The following LPP variants were observed in gnomAD, a reference collection of about 807,000 sequenced individuals.
The protein encoded by LPP is lipoma-preferred partner.
Under a neutral mutation model 60.4 loss-of-function variants are expected in LPP, and 38 were observed. That is an observed-to-expected ratio of 0.63 (90% CI 0.49 to 0.83). The LOEUF (loss-of-function observed/expected upper bound fraction) is 0.83. Among genes scored for constraint, LPP ranks in the 40% least tolerant of loss-of-function variants. The pLI, the probability that LPP is intolerant of heterozygous loss-of-function variation, is 0.00. For synonymous variants in LPP, 328 were observed against 290.8 expected (o/e 1.13, Z -1.30); for missense variants, 902 against 783.6 (o/e 1.15, Z -1.80).
At chr3:188,666,808 G>T (rs1855892180) in intron 7 of LPP, among the ~76,000 whole-genome samples, 1 of 152,190 alleles carries the variant, frequency 6.6e-6, no homozygotes, top group Middle Eastern at 3.2e-3. Context: ...CAGGGAGAAA[G>T]AGGAGATTTT....
chr3:188,349,605 G>A (rs1233307227), intron 3 of LPP, among the ~76,000 whole-genome samples: 2 of 152,134 alleles, frequency 1.3e-5, no homozygotes, highest in African/African-American at 2.4e-5. Flanking sequence ...GTATAAACTC[G>A]GTATAAACCT....
At chr3:188,868,269 T>G (rs1214333411) in intron 10 of LPP, among the ~76,000 whole-genome samples, 2 of 152,234 alleles carry the variant, frequency 1.3e-5, no homozygotes, top group Admixed American at 1.3e-4. Context: ...TAGAAAAGAC[T>G]GATACATTAC....
intron 7 of LPP, among the ~76,000 whole-genome samples, chr3:188,615,307 A>G (rs1385648971): frequency 6.6e-6 from 1 of 152,082 alleles, no homozygotes; most frequent in African/African-American, 2.4e-5. Context: ...TCCTTCCCCA[A>G]ATAAAATCTA....
At chr3:188,416,412 C>A (rs1786283993) in intron 4 of LPP, among the ~76,000 whole-genome samples, 1 of 152,152 alleles carries the variant, frequency 6.6e-6, no homozygotes, top group African/African-American at 2.4e-5. Flanking sequence ...TAAAACAAAG[C>A]AAAATAAAAA....
intron 5 of LPP, among the ~76,000 whole-genome samples, chr3:188,495,087 ATTTATATTTTAT>A (rs1809700514): frequency 4.4e-5 from 1 of 22,618 alleles, no homozygotes; most frequent in African/African-American, 1.2e-4. Flanking sequence ...TATATATTTT[ATTTATATTTTAT>A]TATATATTTT....
At chr3:188,663,838 A>G (rs1457176001) in intron 7 of LPP, among the ~76,000 whole-genome samples, 1 of 152,148 alleles carries the variant, frequency 6.6e-6, no homozygotes, top group African/African-American at 2.4e-5. Flanking sequence ...GGGGCATGCA[A>G]ACTAGGTCCC....
intron 3 of LPP, among the ~76,000 whole-genome samples, chr3:188,390,145 A>G (rs1005758096): frequency 2.6e-5 from 4 of 152,184 alleles, no homozygotes; most frequent in African/African-American, 4.8e-5. Context: ...GGTGTGCCAC[A>G]GTCACAGGCC....
intron 9 of LPP, among the ~76,000 whole-genome samples, chr3:188,813,761 A>G (rs983420038): frequency 3.5e-4 from 54 of 152,120 alleles, no homozygotes; most frequent in Non-Finnish European, 1.0e-4. Flanking sequence ...TTTATTCTGG[A>G]GAAGTTTTGT....
intron 2 of LPP, among the ~76,000 whole-genome samples, chr3:188,292,167 G>A (rs1746208645): frequency 6.6e-6 from 1 of 152,178 alleles, no homozygotes; most frequent in Non-Finnish European, 1.5e-5. Flanking sequence ...CAAGAGAAGT[G>A]AAGGTACAAT....
chr3:188,205,643 T>G (rs1407504191), intron 1 of LPP, among the ~76,000 whole-genome samples: 1 of 152,130 alleles, frequency 6.6e-6, no homozygotes, highest in Non-Finnish European at 1.5e-5. Context: ...CTGCACCCCA[T>G]CTACGCCATG....
At chr3:188,774,090 T>G (rs556306654) in intron 9 of LPP, among the ~76,000 whole-genome samples, 13 of 152,338 alleles carry the variant, frequency 8.5e-5, no homozygotes, top group African/African-American at 2.9e-4. Flanking sequence ...AATAGAACTT[T>G]GAGCTCCTGG....
At chr3:188,315,451 G>C (rs1169687637) in intron 2 of LPP, among the ~76,000 whole-genome samples, 1 of 151,558 alleles carries the variant, frequency 6.6e-6, no homozygotes, top group Non-Finnish European at 1.5e-5. Flanking sequence ...TTTTCTCATT[G>C]TTTGAACTTG....
intron 6 of LPP, among the ~76,000 whole-genome samples, chr3:188,600,958 ATG>A (rs1288445707): frequency 1.3e-5 from 2 of 151,946 alleles, no homozygotes; most frequent in Admixed American, 6.6e-5. Flanking sequence ...ATAGATATAG[ATG>A]TGTGTGTGTA....
Position 188,820,659 on chromosome 3 carries a change from G to A in LPP, c.1411-45541G>A, listed in dbSNP as rs1286570889. 2.6e-5 allele frequency among the ~76,000 whole-genome samples: 4 copies of A among 152,132 alleles called. No homozygotes were observed. The East Asian group carries it at 7.7e-4, about 29-fold the overall frequency. On this transcript the variant is annotated intron_variant, in intron 9 of 11. Coordinates refer to ENST00000617246, the MANE Select transcript of LPP (RefSeq NM_001375462.1). ...TCTACATACCACAAAGTGCTTAACT[G>A]AGAAATTAACTTCTGTGTTACAGAT...
intron 2 of LPP, among the ~76,000 whole-genome samples, chr3:188,226,893 C>G (rs1020076943): frequency 1.3e-5 from 2 of 152,170 alleles, no homozygotes; most frequent in Non-Finnish European, 2.9e-5. Context: ...ATCTATATTA[C>G]ATAAAAGGCT....
At chr3:188,388,064 T>G (rs1012676453) in intron 3 of LPP, among the ~76,000 whole-genome samples, 1 of 151,904 alleles carries the variant, frequency 6.6e-6, no homozygotes, top group Non-Finnish European at 1.5e-5. Context: ...ACATGCCTCA[T>G]TTCCAGTTAT....
intron 1 of LPP, among the ~76,000 whole-genome samples, chr3:188,221,493 C>A (rs1245614775): frequency 6.6e-6 from 1 of 152,196 alleles, no homozygotes; most frequent in Non-Finnish European, 1.5e-5. Flanking sequence ...CTTTGGTGCG[C>A]CCCTGAATGC....
At chr3:188,723,972 T>TA (rs2149921819) in intron 8 of LPP, among the ~76,000 whole-genome samples, 1 of 152,280 alleles carries the variant, frequency 6.6e-6, no homozygotes, top group African/African-American at 2.4e-5. Context: ...AGCTGGATGA[T>TA]TTTTTTAAAT....
At chr3:188,756,608 CA>C (rs1730340860) in intron 8 of LPP, among the ~76,000 whole-genome samples, 1 of 152,208 alleles carries the variant, frequency 6.6e-6, no homozygotes, top group Non-Finnish European at 1.5e-5. Context: ...CCCTAAAGGA[CA>C]CAGTTTGTAA....
Sources: allele counts gnomAD v4.1 joint callset (sites outside exome capture counted in the v4.1 genomes callset), GRCh38; gene constraint gnomAD v4.1.1; transcripts MANE v1.5; gene names NCBI Gene and HGNC (gene_info 2026-07-23, HGNC 2026-07-21).